SEMA3C: variants seen among roughly 807,000 people sequenced by gnomAD.
The protein encoded by SEMA3C is semaphorin 3C, also known as semaphorin-3C.
In SEMA3C, 47 loss-of-function variants were observed where a neutral mutation model predicts 89.4. The observed-to-expected ratio is 0.53, with a 90% confidence interval of 0.42 to 0.67. The LOEUF is 0.67. Ranked by LOEUF, SEMA3C falls within the 30% of genes least tolerant of loss-of-function variation. The pLI, the probability that SEMA3C is intolerant of heterozygous loss-of-function variation, is 0.00. For missense variants in SEMA3C, 839 were observed against 929.1 expected, an observed-to-expected ratio of 0.90 and a Z score of 1.26; for synonymous variants, 310 against 320.2, an observed-to-expected ratio of 0.97 and a Z score of 0.34.
chr7:80,845,678 G>C (rs1242402586), intron 2 of SEMA3C, among the ~76,000 whole-genome samples: 1 of 152,084 alleles, frequency 6.6e-6, no homozygotes, highest in Non-Finnish European at 1.5e-5. Flanking sequence ...AAAATGGCAT[G>C]AGCCTTCTAC....
At chr7:80,877,589 G>A (rs1005424154) in intron 2 of SEMA3C, among the ~76,000 whole-genome samples, 1 of 152,066 alleles carries the variant, frequency 6.6e-6, no homozygotes, top group East Asian at 1.9e-4. Flanking sequence ...ACTTCAAACA[G>A]TATTTTATCT....
At position 80,800,805 on chromosome 7, in the gene SEMA3C, G is replaced by A; in HGVS notation, c.938C>T (p.Thr313Ile). 6.6e-7 allele frequency: 1 copy of A among 1,516,286 alleles called. No homozygotes were observed. The highest frequency in any genetic ancestry group is 8.8e-7 in the Non-Finnish European group (1 of 1,138,748). 93.9% of individuals were successfully genotyped at this position (1,516,286 alleles called of 1,614,324 possible). A position where few individuals can be genotyped will look rare whatever the true frequency, so the allele number is the denominator to read the frequency against. The change falls in exon 10 of 18, where the codon ACT (threonine) becomes ATT (isoleucine). Residue 313 changes from threonine (T) to isoleucine (I), a missense_variant. Coordinates refer to ENST00000265361, the MANE Select transcript of SEMA3C (RefSeq NM_006379.5). ...DELEDVFLLE[T>I]DNPRTTLVYG... ...CACTAGTGTTGTCCTCGGGTTATCA[G>A]TTTCCAGCAGAAACACATCCTCTAT...
At chr7:80,834,012 T>C (rs921322641) in intron 2 of SEMA3C, among the ~76,000 whole-genome samples, 3 of 152,198 alleles carry the variant, frequency 2.0e-5, no homozygotes, top group Admixed American at 6.5e-5. Flanking sequence ...TGTCATTCCT[T>C]TAACCTCACA....
intron 2 of SEMA3C, among the ~76,000 whole-genome samples, chr7:80,865,696 G>A (rs537550036): frequency 1.3e-5 from 2 of 152,250 alleles, no homozygotes; most frequent in South Asian, 4.1e-4. Context: ...TCGGGAGGCT[G>A]AGACAGGAGA....
chr7:80,811,660 T>G (rs1202515023), intron 5 of SEMA3C, among the ~76,000 whole-genome samples: 1 of 152,148 alleles, frequency 6.6e-6, no homozygotes, highest in East Asian at 1.9e-4. Flanking sequence ...GTCAATAATA[T>G]TTTTGAGTGT....
chr7:80,889,883 A>AATCATTCAG (rs1232057456), intron 2 of SEMA3C, among the ~76,000 whole-genome samples: 2 of 152,212 alleles, frequency 1.3e-5, no homozygotes, highest in African/African-American at 4.8e-5. Context: ...GTGGGCGATC[A>AATCATTCAG]ATCATTCAGA....
intron 15 of SEMA3C, among the ~76,000 whole-genome samples, chr7:80,754,568 T>C (rs1788012484): frequency 6.6e-6 from 1 of 152,184 alleles, no homozygotes. Flanking sequence ...CACTAACATG[T>C]TTTGTATTTA....
At chr7:80,877,776 A>C (rs1157358949) in intron 2 of SEMA3C, among the ~76,000 whole-genome samples, 2 of 152,164 alleles carry the variant, frequency 1.3e-5, no homozygotes, top group South Asian at 2.1e-4. Context: ...TAAGGATTTT[A>C]TATTTTTAAT....
chr7:80,771,770 C>T (rs1489191695), intron 12 of SEMA3C, among the ~76,000 whole-genome samples: 2 of 152,144 alleles, frequency 1.3e-5, no homozygotes, highest in Non-Finnish European at 2.9e-5. Flanking sequence ...ACACTGCCTC[C>T]TTAATGAGAT....
Position 80,805,659 on chromosome 7 carries a change from T to G in SEMA3C, c.638A>C (p.His213Pro). ...TKRNAVRTDQ[H>P]NSKWLSEPMF... ...CTTACCACTTAGCCATTTGGAATTA[T>G]GTTGATCAGTTCTGACCGCATTCCT... The change falls in exon 7 of 18, where the codon CAT becomes CCT. Residue 213 changes from histidine (H) to proline (P), a missense_variant. Physicochemically the swap from His to Pro is moderately conservative, Grantham distance 77. Coordinates refer to ENST00000265361, the MANE Select transcript of SEMA3C (RefSeq NM_006379.5). 1 of 1,603,402 alleles carries G rather than the reference T, an allele frequency of 6.2e-7. No homozygotes were observed. The highest frequency in any genetic ancestry group is 8.5e-7 in the Non-Finnish European group (1 of 1,174,718).
intron 11 of SEMA3C, among the ~76,000 whole-genome samples, chr7:80,792,650 A>G (rs1350067147): frequency 6.6e-6 from 1 of 152,206 alleles, no homozygotes; most frequent in African/African-American, 2.4e-5. Flanking sequence ...AACAAATCAA[A>G]TAAGTTACTT....
chr7:80,818,203 T>G, intron 5 of SEMA3C, 96 bp downstream of exon 5: 1 of 1,157,778 alleles, frequency 8.6e-7, no homozygotes. Context: ...AAATATTTTA[T>G]GAATATTGAT....
rs866674758 is a variant in SEMA3C at position 80,824,579 on chromosome 7, T to C, written c.327+2846A>G. 2.6e-5 allele frequency among the ~76,000 whole-genome samples: 4 copies of C among 152,310 alleles called. No homozygotes were observed. In the East Asian group the frequency reaches 7.7e-4, roughly 29 times the overall value. On this transcript the variant is annotated intron_variant, in intron 4 of 17. Coordinates refer to ENST00000265361, the MANE Select transcript of SEMA3C (RefSeq NM_006379.5). The stretch of plus-strand genomic sequence containing the variant: ...AGGTTAACAGAAGTTCTAATATGAT[T>C]ACTACAAAATCTATCAAACCTTTCT...
In SEMA3C at chr7:80,829,286, T is replaced by C. The variant is rs183294735; in HGVS notation, c.104-541A>G. ...GTATGTGATTACAAAATCAGTCACG[T>C]TTGCAATAATCTCAACTCTGTTTTA... On this transcript the variant is annotated intron_variant, in intron 2 of 17. Coordinates refer to ENST00000265361, the MANE Select transcript of SEMA3C (RefSeq NM_006379.5). Among the ~76,000 whole-genome samples, 176 of 152,290 alleles carry C rather than the reference T, an allele frequency of 1.2e-3. 1 individual carries two copies. The highest frequency in any genetic ancestry group is 3.4e-3 in the Middle Eastern group (1 of 292).
intron 2 of SEMA3C, among the ~76,000 whole-genome samples, chr7:80,829,235 G>C (rs1789954030): frequency 6.6e-6 from 1 of 152,048 alleles, no homozygotes; most frequent in Admixed American, 6.6e-5. Context: ...AAACCACTAA[G>C]TGCAATGTTA....
chr7:80,865,461 A>G (rs1046251088), intron 2 of SEMA3C, among the ~76,000 whole-genome samples: 5 of 152,096 alleles, frequency 3.3e-5, no homozygotes, highest in African/African-American at 1.2e-4. Flanking sequence ...TTTATCTGGA[A>G]TATCCTTTCT....
intron 11 of SEMA3C, among the ~76,000 whole-genome samples, chr7:80,793,835 G>A (rs371244025): frequency 6.6e-6 from 1 of 151,746 alleles, no homozygotes; most frequent in African/African-American, 2.4e-5. Flanking sequence ...CTGAGAAAGA[G>A]TGACTAGCAC....
At chr7:80,762,033 G>A (rs574673729) in intron 13 of SEMA3C, among the ~76,000 whole-genome samples, 3 of 145,462 alleles carry the variant, frequency 2.1e-5, no homozygotes, top group South Asian at 2.2e-4. Context: ...AGGTTGTAGT[G>A]AGCCGAGATT....
intron 12 of SEMA3C, among the ~76,000 whole-genome samples, chr7:80,785,734 G>A (rs538677212): frequency 1.3e-5 from 2 of 152,070 alleles, no homozygotes; most frequent in African/African-American, 2.4e-5. Context: ...TCAGCCTCCC[G>A]AGTAGCTGGG....
Sources: gnomAD v4.1 joint callset for allele counts (sites outside exome capture counted in the v4.1 genomes callset) on GRCh38, gnomAD v4.1.1 for gene constraint, MANE v1.5 for transcripts, NCBI Gene and HGNC (gene_info 2026-07-23, HGNC 2026-07-21) for gene names.